The following FRMD4A variants were observed in gnomAD, a reference collection of about 807,000 sequenced individuals.
FRMD4A encodes FERM domain-containing protein 4A.
Under a neutral mutation model 129.1 loss-of-function variants are expected in FRMD4A, and 29 were observed. The observed-to-expected ratio is 0.22, with a 90% CI of 0.17 to 0.31. The LOEUF is 0.31. FRMD4A is among the 10% of genes least tolerant of loss of function. The pLI, the probability that FRMD4A is intolerant of heterozygous loss-of-function variation, is 1.00. For synonymous variants in FRMD4A, 634 were observed against 571.6 expected (o/e 1.11, Z -1.56); for missense variants, 1,272 against 1,375.8 (o/e 0.92, Z 1.19).
chr10:13,704,651 TATAGAG>T (rs1157144561), intron 13 of FRMD4A, among the ~76,000 whole-genome samples: 3 of 152,046 alleles, frequency 2.0e-5, no homozygotes, highest in African/African-American at 4.8e-5. Flanking sequence ...TTCTGTACAG[TATAGAG>T]ATAAAGGGCA....
At chr10:14,185,719 C>G (rs11258929) in intron 2 of FRMD4A, among the ~76,000 whole-genome samples, 5,292 of 152,204 alleles carry the variant, frequency 0.035, 287 homozygotes, top group African/African-American at 0.11. Context: ...TTCAGTAGTT[C>G]TAGAGAGAAG....
At chr10:14,051,801 C>A (rs773640667) in intron 2 of FRMD4A, among the ~76,000 whole-genome samples, 4 of 152,148 alleles carry the variant, frequency 2.6e-5, no homozygotes, top group Non-Finnish European at 5.9e-5. Context: ...AGGAAAGGGC[C>A]CTGAGCAGGG....
At chr10:14,257,052 G>A (rs1338105781) in intron 2 of FRMD4A, among the ~76,000 whole-genome samples, 2 of 152,082 alleles carry the variant, frequency 1.3e-5, no homozygotes, top group Non-Finnish European at 2.9e-5. Context: ...TAACTGGCTG[G>A]GTGTAGTGGC....
intron 4 of FRMD4A, among the ~76,000 whole-genome samples, chr10:13,799,895 C>T (rs555289946): frequency 6.6e-6 from 1 of 152,064 alleles, no homozygotes; most frequent in Non-Finnish European, 1.5e-5. Flanking sequence ...AAAATATGAC[C>T]TAGGCTGGGT....
At position 14,206,552 on chromosome 10, in the gene FRMD4A, C is replaced by A. The variant is rs540922578; in HGVS notation, c.45+123506G>T. ...GTGGCTCACGCCTGTAATCCCAACA[C>A]TTTGGGAGGCCGAGGCAGGAGGATC... is the stretch of plus-strand genomic sequence containing the variant. On this transcript the variant is annotated intron_variant, in intron 2 of 24. Coordinates refer to ENST00000357447, the MANE Select transcript of FRMD4A (RefSeq NM_018027.5). Among the ~76,000 whole-genome samples, 5 of 152,110 alleles carry A rather than the reference C, an allele frequency of 3.3e-5. No individual in the cohort carries two copies. In the East Asian group the frequency reaches 7.7e-4, roughly 23 times the overall value.
At chr10:14,188,305 GC>G in intron 2 of FRMD4A, among the ~76,000 whole-genome samples, 1 of 152,284 alleles carries the variant, frequency 6.6e-6, no homozygotes, top group Non-Finnish European at 1.5e-5. Flanking sequence ...TGGTTTGGTT[GC>G]TTTTCTCAGA....
chr10:13,937,030 C>T (rs771949332), intron 2 of FRMD4A, among the ~76,000 whole-genome samples: 65 of 152,318 alleles, frequency 4.3e-4, no homozygotes, highest in Middle Eastern at 3.4e-3. Context: ...TCTGGCTGGG[C>T]TCACCAAAGG....
rs911740602 is a variant in FRMD4A at position 14,090,785 on chromosome 10, T to A, written c.46-231873A>T. Reference sequence around the variant, plus strand: ...ATAAATTCATGAGCTTCAGGTTTCATTAAAGAGAAGTACACAAATGAAGTA... The same window carrying A: ...ATAAATTCATGAGCTTCAGGTTTCAATAAAGAGAAGTACACAAATGAAGTA... On this transcript the variant is annotated intron_variant, in intron 2 of 24. Coordinates refer to ENST00000357447, the MANE Select transcript of FRMD4A (RefSeq NM_018027.5). Among the ~76,000 whole-genome samples, 5 of 152,320 alleles carry A rather than the reference T, an allele frequency of 3.3e-5. 1 individual carries two copies.
rs2092536698 is a variant in FRMD4A at position 13,774,087 on chromosome 10, A to G, written c.384+8835T>C. Reference sequence around the variant, plus strand: ...ACCCACCTGTCTCCTTAGTGAGTTCAAGCACATCAGAAACACTGTTGGACC... The same window carrying G: ...ACCCACCTGTCTCCTTAGTGAGTTCGAGCACATCAGAAACACTGTTGGACC... On this transcript the variant is annotated intron_variant, in intron 6 of 24. Transcript: ENST00000357447. 2.6e-5 allele frequency among the ~76,000 whole-genome samples: 4 copies of G among 152,174 alleles called. No individual in the cohort carries two copies. In the South Asian group the frequency reaches 8.3e-4, roughly 31 times the overall value.
At chr10:13,667,479 G>C (rs1199370886) in intron 17 of FRMD4A, 1 of 152,266 alleles carries the variant, frequency 6.6e-6, no homozygotes, top group Non-Finnish European at 1.5e-5. Flanking sequence ...GAAGAATGAA[G>C]CTGTGGCTGT....
At chr10:14,299,802 T>TC (rs953227214) in intron 2 of FRMD4A, among the ~76,000 whole-genome samples, 62 of 152,266 alleles carry the variant, frequency 4.1e-4, no homozygotes, top group African/African-American at 1.4e-3. Context: ...GAAGGATTGA[T>TC]CTGTCAGGGA....
chr10:14,176,260 A>C (rs984373452), intron 2 of FRMD4A, among the ~76,000 whole-genome samples: 3 of 151,956 alleles, frequency 2.0e-5, no homozygotes. Context: ...AAGCCCTTCC[A>C]TCTATCATTG....
intron 2 of FRMD4A, among the ~76,000 whole-genome samples, chr10:14,135,692 A>G (rs1271872048): frequency 6.6e-6 from 1 of 152,246 alleles, no homozygotes; most frequent in African/African-American, 2.4e-5. Flanking sequence ...AAGATATATC[A>G]CAGATGCAAA....
intron 2 of FRMD4A, among the ~76,000 whole-genome samples, chr10:14,251,115 T>C (rs1844424251): frequency 6.6e-6 from 1 of 152,114 alleles, no homozygotes. Context: ...TGACCCCACC[T>C]CTTGGTAGTT....
chr10:13,700,879 T>G (rs1279574407), intron 14 of FRMD4A, among the ~76,000 whole-genome samples: 2 of 91,628 alleles, frequency 2.2e-5, no homozygotes, highest in Non-Finnish European at 4.2e-5. Context: ...AAAAAAAAAA[T>G]GGAGTTGGCA....
intron 2 of FRMD4A, among the ~76,000 whole-genome samples, chr10:13,953,341 G>A (rs1478903858): frequency 6.6e-6 from 1 of 152,132 alleles, no homozygotes; most frequent in Non-Finnish European, 1.5e-5. Context: ...CCAAGAAAGT[G>A]ATAACTACAT....
intron 2 of FRMD4A, among the ~76,000 whole-genome samples, chr10:13,956,319 A>ATT (rs2095410011): frequency 1.3e-5 from 2 of 151,898 alleles, no homozygotes; most frequent in African/African-American, 4.8e-5. Context: ...CACCCGGCTA[A>ATT]TTTTGTACTT....
At chr10:13,765,693 G>A (rs1455114291) in intron 6 of FRMD4A, among the ~76,000 whole-genome samples, 1 of 152,184 alleles carries the variant, frequency 6.6e-6, no homozygotes, top group Non-Finnish European at 1.5e-5. Context: ...ATTGATAGAG[G>A]CTGTCGGTGC....
chr10:14,136,938 C>A (rs973050568), intron 2 of FRMD4A, among the ~76,000 whole-genome samples: 10 of 152,208 alleles, frequency 6.6e-5, no homozygotes, highest in Admixed American at 1.3e-4. Flanking sequence ...TTGTGGTATA[C>A]CTCCTGTGGA....
Sources: gnomAD v4.1 joint callset for allele counts (sites outside exome capture counted in the v4.1 genomes callset) on GRCh38, gnomAD v4.1.1 for gene constraint, MANE v1.5 for transcripts, NCBI Gene and HGNC (gene_info 2026-07-23, HGNC 2026-07-21) for gene names.